Variants in RPS6KC1 observed in about 807,000 individuals in gnomAD.
RPS6KC1 encodes ribosomal protein S6 kinase C1, also known as inactive ribosomal protein S6 kinase delta-1.
In RPS6KC1, 54 loss-of-function variants were observed where a neutral mutation model predicts 103.8. The observed-to-expected ratio is 0.52, with a 90% CI of 0.42 to 0.65. The LOEUF (loss-of-function observed/expected upper bound fraction) is 0.65. Ranked by LOEUF, RPS6KC1 falls within the 30% of genes least tolerant of loss-of-function variation. The probability of loss-of-function intolerance (pLI) is 0.00; values close to 1 mark genes in which losing one functional copy is unlikely to be tolerated. For synonymous variants in RPS6KC1, 439 were observed against 438.7 expected, an observed-to-expected ratio of 1.00 and a Z score of -0.01; for missense variants, 1,151 against 1,253.8, an observed-to-expected ratio of 0.92 and a Z score of 1.24.
At chr1:213,225,536 C>T (rs887711852) in intron 8 of RPS6KC1, among the ~76,000 whole-genome samples, 1 of 152,142 alleles carries the variant, frequency 6.6e-6, no homozygotes, top group African/African-American at 2.4e-5. Flanking sequence ...TTATAGGTGT[C>T]CACCACCATG....
the RPS6KC1 span, among the ~76,000 whole-genome samples, chr1:213,493,356 T>A: frequency 6.6e-6 from 1 of 152,200 alleles, no homozygotes; most frequent in African/African-American, 2.4e-5. Flanking sequence ...TAAAATGGTG[T>A]CTTTGTTCAA....
At chr1:213,292,842 T>A in the RPS6KC1 span, among the ~76,000 whole-genome samples, 1 of 152,146 alleles carries the variant, frequency 6.6e-6, no homozygotes, top group Non-Finnish European at 1.5e-5. Flanking sequence ...AACACCTCTC[T>A]GGCCAATGAG....
At chr1:213,627,039 T>A in the RPS6KC1 span, among the ~76,000 whole-genome samples, 1 of 152,346 alleles carries the variant, frequency 6.6e-6, no homozygotes, top group East Asian at 1.9e-4. Context: ...TTCACGATAC[T>A]GATTCTTCCT....
the RPS6KC1 span, among the ~76,000 whole-genome samples, chr1:213,757,256 C>T: frequency 3.3e-5 from 5 of 152,202 alleles, no homozygotes; most frequent in Non-Finnish European, 5.9e-5. Context: ...CCAAGATAGG[C>T]TGAAAGCTAG....
the RPS6KC1 span, among the ~76,000 whole-genome samples, chr1:213,539,294 G>A: frequency 6.6e-6 from 1 of 152,112 alleles, no homozygotes; most frequent in African/African-American, 2.4e-5. Flanking sequence ...GGAATAAATT[G>A]GCCTGTTTTC....
chr1:213,665,022 T>G, the RPS6KC1 span, among the ~76,000 whole-genome samples: 1 of 152,208 alleles, frequency 6.6e-6, no homozygotes, highest in Admixed American at 6.5e-5. Flanking sequence ...TTTTGGATCA[T>G]GTAAAATCAT....
chr1:213,314,566 G>T, the RPS6KC1 span, among the ~76,000 whole-genome samples: 446 of 152,004 alleles, frequency 2.9e-3, 2 homozygotes, highest in African/African-American at 0.011. Flanking sequence ...GACTTGAGAT[G>T]CTCACTAGCC....
chr1:213,055,480 T>A (rs763135166), intron 1 of RPS6KC1, among the ~76,000 whole-genome samples: 2 of 152,218 alleles, frequency 1.3e-5, no homozygotes, highest in Non-Finnish European at 2.9e-5. Context: ...TGATGGATAT[T>A]TGGGTTGTTT....
chr1:213,280,273 A>G, the RPS6KC1 span, among the ~76,000 whole-genome samples: 1 of 152,210 alleles, frequency 6.6e-6, no homozygotes, highest in African/African-American at 2.4e-5. Flanking sequence ...AGATTCAGGC[A>G]GTCTGTCAGA....
At chr1:213,182,309 T>C (rs1483875600) in intron 8 of RPS6KC1, among the ~76,000 whole-genome samples, 1 of 152,122 alleles carries the variant, frequency 6.6e-6, no homozygotes, top group Non-Finnish European at 1.5e-5. Flanking sequence ...CTGGCCAACA[T>C]GGTGAAAACC....
In RPS6KC1 at chr1:213,242,555, C is replaced by CGT; in HGVS notation, c.2822-13_2822-12dup. The CGT allele has an allele frequency of 6.3e-7, 1 of 1,596,968 alleles. No homozygotes were observed. The highest frequency in any genetic ancestry group is 8.6e-7 in the Non-Finnish European group (1 of 1,165,816). ...AGAAAAATGTTTTGATTTCTCCTGT[C>CGT]GTTTTGTTTTTAGGACACATTCAGC... On this transcript the variant is annotated splice_polypyrimidine_tract_variant and intron_variant, in intron 11 of 14. Coordinates refer to ENST00000366960, the MANE Select transcript of RPS6KC1 (RefSeq NM_012424.6).
the RPS6KC1 span, among the ~76,000 whole-genome samples, chr1:213,815,446 A>G: frequency 6.6e-6 from 1 of 152,360 alleles, no homozygotes; most frequent in South Asian, 2.1e-4. Context: ...ATTCCTGAAC[A>G]TATATTTGTG....
chr1:213,359,427 C>T, the RPS6KC1 span, among the ~76,000 whole-genome samples: 3 of 152,262 alleles, frequency 2.0e-5, no homozygotes, highest in African/African-American at 7.2e-5. Context: ...TCCTCCATCC[C>T]TTTATTTTGA....
At chr1:213,140,025 T>C (rs2086827426) in intron 6 of RPS6KC1, among the ~76,000 whole-genome samples, 1 of 152,086 alleles carries the variant, frequency 6.6e-6, no homozygotes, top group Non-Finnish European at 1.5e-5. Flanking sequence ...CTTTCAGCAG[T>C]GTTTTATAAT....
intron 12 of RPS6KC1, among the ~76,000 whole-genome samples, chr1:213,259,282 G>A (rs931809535): frequency 1.1e-4 from 17 of 152,304 alleles, no homozygotes; most frequent in South Asian, 8.3e-4. Context: ...CTCACTGGCC[G>A]GGTGCGGTGG....
chr1:213,529,456 A>G, the RPS6KC1 span, among the ~76,000 whole-genome samples: 3 of 152,208 alleles, frequency 2.0e-5, no homozygotes, highest in Non-Finnish European at 2.9e-5. Context: ...ACATTTTTTT[A>G]ACCTGGCAAT....
chr1:213,558,136 G>T, the RPS6KC1 span, among the ~76,000 whole-genome samples: 1 of 152,200 alleles, frequency 6.6e-6, no homozygotes, highest in Non-Finnish European at 1.5e-5. Context: ...GCTTTACAGA[G>T]GCTTTTCTTC....
the RPS6KC1 span, among the ~76,000 whole-genome samples, chr1:213,408,813 C>T: frequency 6.6e-6 from 1 of 152,202 alleles, no homozygotes; most frequent in Non-Finnish European, 1.5e-5. Flanking sequence ...ATGGAGCACA[C>T]AGTGTGATAT....
the RPS6KC1 span, among the ~76,000 whole-genome samples, chr1:213,635,230 C>T: frequency 6.6e-6 from 1 of 152,142 alleles, no homozygotes; most frequent in East Asian, 1.9e-4. Context: ...TGAAACTATT[C>T]CAATCAATAG....
Sources: allele counts gnomAD v4.1 joint callset (sites outside exome capture counted in the v4.1 genomes callset), GRCh38; gene constraint gnomAD v4.1.1; transcripts MANE v1.5; gene names NCBI Gene and HGNC (gene_info 2026-07-23, HGNC 2026-07-21).